Variants in ST3GAL5 observed in about 807,000 individuals in gnomAD.
ST3GAL5 encodes lactosylceramide alpha-2,3-sialyltransferase.
A neutral mutation model predicts 46.1 loss-of-function variants in ST3GAL5; 25 were observed. The ratio of observed to expected loss-of-function variants is 0.54; its 90% CI spans 0.40 to 0.76. The LOEUF is 0.76. ST3GAL5 is among the 30% of genes least tolerant of loss of function. The pLI is 0.00. For synonymous variants in ST3GAL5, 182 were observed against 192.7 expected, an observed-to-expected ratio of 0.94 and a Z score of 0.46; for missense variants, 431 against 521.2, an observed-to-expected ratio of 0.83 and a Z score of 1.69.
At chr2:85,862,576 G>A (rs549423698) in intron 2 of ST3GAL5, among the ~76,000 whole-genome samples, 1 of 152,156 alleles carries the variant, frequency 6.6e-6, no homozygotes, top group South Asian at 2.1e-4. Context: ...CTTAATTCCT[G>A]GAGCGAGTCC....
rs573408903 is a variant in ST3GAL5, at chr2:85,839,789, C to T, written c.*355G>A. 7.6e-5 allele frequency: 26 copies of T among 340,674 alleles called. No homozygotes were observed. The East Asian group carries it at 1.9e-3, about 25-fold the overall frequency. 21.1% of individuals were successfully genotyped at this position (340,674 alleles called of 1,614,324 possible). On this transcript the variant is annotated 3_prime_UTR_variant, in exon 7 of 7. Coordinates refer to ENST00000638572, the MANE Select transcript of ST3GAL5 (RefSeq NM_003896.4). ...CCATCAAAAGAGTGACCTCCCCTCT[C>T]CTTCCAATTAGTTACCTGTATTCAA... is the stretch of plus-strand genomic sequence containing the variant.
intron 4 of ST3GAL5, chr2:85,847,363 A>T: frequency 1.0e-6 from 1 of 994,802 alleles, no homozygotes; most frequent in Non-Finnish European, 1.2e-6. Context: ...ACTTCCTCTG[A>T]CAAGGTTCTG....
Position 85,883,491 on chromosome 2 carries a change from G to A in ST3GAL5, c.82+5333C>T, listed in dbSNP as rs185764667. The stretch of plus-strand genomic sequence containing the variant: ...ATCTCTTTATCAGCAGTGTGAAAAC[G>A]GACTAATACAATGTGTGTCTTAGGA... On this transcript the variant is annotated intron_variant, in intron 1 of 6. Coordinates refer to ENST00000638572, the MANE Select transcript of ST3GAL5 (RefSeq NM_003896.4). 2.5e-4 allele frequency among the ~76,000 whole-genome samples: 38 copies of A among 152,268 alleles called. No homozygotes were observed. In the East Asian group the frequency reaches 5.6e-3, roughly 22 times the overall value.
Position 85,863,958 on chromosome 2 carries a change from G to A in ST3GAL5, c.83-473C>T, listed in dbSNP as rs577882566. On this transcript the variant is annotated intron_variant, in intron 1 of 6. Transcript: ENST00000638572. ...CCTGACCTCGTGATTCACCTGCCTCGGCCTCCCAAAGTGCTGGGATTACAT... is the reference window on the plus strand; with the variant it reads ...CCTGACCTCGTGATTCACCTGCCTCAGCCTCCCAAAGTGCTGGGATTACAT... 1.2e-3 allele frequency among the ~76,000 whole-genome samples: 188 copies of A among 152,142 alleles called. 1 individual carries two copies. Among genetic ancestry groups the A allele is most frequent in the African/African-American group, 4.4e-3 (181 of 41,500 alleles).
At position 85,847,984 on chromosome 2, in the gene ST3GAL5, T is replaced by G; in HGVS notation, c.539A>C (p.Glu180Ala). Residue 180 changes from glutamate to alanine, a missense_variant, in exon 4 of 7, where the codon GAG (glutamate) becomes GCG (alanine). By Grantham distance (107) the Glu-to-Ala change is moderately radical. Transcript: ENST00000638572. The part of the protein sequence containing the change: ...KVQTLLELLP[E>A]HDLPEHLKAK... ...TTTCAAGTGTTCAGGGAGGTCGTGC[T>G]CTGGCAAGAGTTCCAAGAGGGTCTG... The G allele has an allele frequency of 1.2e-6, 2 of 1,614,134 alleles. No individual in the cohort carries two copies. The highest frequency in any genetic ancestry group is 1.7e-6 in the Non-Finnish European group (2 of 1,180,032).
chr2:85,857,704 T>A (rs988857069), intron 3 of ST3GAL5, among the ~76,000 whole-genome samples: 4 of 151,978 alleles, frequency 2.6e-5, no homozygotes, highest in Admixed American at 6.6e-5. Context: ...TGGGCCAGAC[T>A]AAGGAGTCTG....
At chr2:85,869,513 A>G (rs1330022150) in intron 1 of ST3GAL5, among the ~76,000 whole-genome samples, 2 of 152,170 alleles carry the variant, frequency 1.3e-5, no homozygotes, top group African/African-American at 4.8e-5. Flanking sequence ...AAGACATTTG[A>G]AAATCACCCA....
intron 1 of ST3GAL5, among the ~76,000 whole-genome samples, chr2:85,884,059 C>T (rs1024853670): frequency 1.3e-5 from 2 of 152,212 alleles, no homozygotes; most frequent in African/African-American, 2.4e-5. Context: ...CATTTACCAC[C>T]TCTAGGCCAG....
chr2:85,857,454 T>C (rs187986782), intron 3 of ST3GAL5, among the ~76,000 whole-genome samples: 8 of 151,034 alleles, frequency 5.3e-5, no homozygotes, highest in Admixed American at 4.6e-4. Flanking sequence ...GGAGAATCAC[T>C]TGAACCCAGG....
intron 1 of ST3GAL5, among the ~76,000 whole-genome samples, chr2:85,883,106 G>C (rs1046343845): frequency 6.6e-6 from 1 of 152,158 alleles, no homozygotes; most frequent in South Asian, 2.1e-4. Context: ...TTTGAAATGA[G>C]AGGACATGAG....
chr2:85,882,962 C>T (rs1184344550), intron 1 of ST3GAL5, among the ~76,000 whole-genome samples: 1 of 152,086 alleles, frequency 6.6e-6, no homozygotes, highest in Non-Finnish European at 1.5e-5. Context: ...TTGTATCTAA[C>T]TTGCTTTTGA....
At chr2:85,888,684 A>T in intron 1 of ST3GAL5, 140 bp downstream of exon 1, 2 of 563,276 alleles carry the variant, frequency 3.6e-6, no homozygotes, top group Non-Finnish European at 4.9e-6. Context: ...GGCTCGCCTG[A>T]GGGTGTCGTG....
chr2:85,871,038 CT>C (rs35268429), intron 1 of ST3GAL5, among the ~76,000 whole-genome samples: 465 of 137,704 alleles, frequency 3.4e-3, no homozygotes, highest in Admixed American at 4.6e-3. Flanking sequence ...AACCATTTAT[CT>C]TTTTTTTTTT....
chr2:85,841,395 C>T (rs907780603), intron 6 of ST3GAL5, among the ~76,000 whole-genome samples: 4 of 151,938 alleles, frequency 2.6e-5, no homozygotes, highest in East Asian at 1.9e-4. Flanking sequence ...TACAGTGGCG[C>T]GATCACGGCT....
chr2:85,837,745 A>G lies in ST3GAL5; in HGVS notation c.*2399T>C, dbSNP rs1681620149. The stretch of plus-strand genomic sequence containing the variant: ...TAAAATTAAAAAACCCTAAAACTGA[A>G]ATTTTCTGCAGCTCAAAGTTCTAGA... On this transcript the variant is annotated 3_prime_UTR_variant, in exon 7 of 7. Transcript: ENST00000638572. 1 of 152,182 alleles carries G rather than the reference A, an allele frequency of 6.6e-6. No homozygotes were observed. Among genetic ancestry groups the G allele is most frequent in the African/African-American group, 2.4e-5 (1 of 41,426 alleles). 9.4% of individuals were successfully genotyped at this position (152,182 alleles called of 1,614,324 possible). A position where few individuals can be genotyped will look rare whatever the true frequency, so the allele number is the denominator to read the frequency against.
chr2:85,867,961 C>G (rs1573670482), intron 1 of ST3GAL5: 1 of 343,576 alleles, frequency 2.9e-6, no homozygotes, highest in East Asian at 6.3e-5. Context: ...GAAGTTTCAT[C>G]AAATCCCTCT....
At chr2:85,873,790 C>T (rs1174651602) in intron 1 of ST3GAL5, among the ~76,000 whole-genome samples, 1 of 152,022 alleles carries the variant, frequency 6.6e-6, no homozygotes, top group African/African-American at 2.4e-5. Context: ...AACAAAAAAA[C>T]AAAACAAAAA....
At chr2:85,885,576 C>T (rs1257884490) in intron 1 of ST3GAL5, among the ~76,000 whole-genome samples, 1 of 152,162 alleles carries the variant, frequency 6.6e-6, no homozygotes, top group Non-Finnish European at 1.5e-5. Context: ...CGCCTGTAAT[C>T]CCAGCACTTT....
At chr2:85,850,825 G>A (rs1683411339) in intron 3 of ST3GAL5, 1 of 152,170 alleles carries the variant, frequency 6.6e-6, no homozygotes, top group South Asian at 2.1e-4. Flanking sequence ...CTCCTCTTCA[G>A]AAGCTGCATC....
Sources: gnomAD v4.1 joint callset for allele counts (sites outside exome capture counted in the v4.1 genomes callset) on GRCh38, gnomAD v4.1.1 for gene constraint, MANE v1.5 for transcripts, NCBI Gene and HGNC (gene_info 2026-07-23, HGNC 2026-07-21) for gene names.